Variants in PLPPR1 observed in about 807,000 individuals in gnomAD.
PLPPR1 encodes the protein phospholipid phosphatase-related protein type 1.
Under a neutral mutation model 33.1 loss-of-function variants are expected in PLPPR1, and 10 were observed. The observed-to-expected ratio is 0.30, with a 90% CI of 0.19 to 0.51. The LOEUF (loss-of-function observed/expected upper bound fraction) is 0.51, where lower values mean the gene tolerates loss of function less well. Ranked by LOEUF, PLPPR1 falls within the 20% of genes least tolerant of loss-of-function variation. The probability of loss-of-function intolerance (pLI) is 0.97; values close to 1 mark genes in which losing one functional copy is unlikely to be tolerated. For missense variants in PLPPR1, 304 were observed against 408.1 expected, an observed-to-expected ratio of 0.74 and a Z score of 2.20; for synonymous variants, 151 against 151.0, an observed-to-expected ratio of 1.00 and a Z score of 0.00.
chr9:101,049,705 T>C (rs548735640), intron 1 of PLPPR1, among the ~76,000 whole-genome samples: 2 of 152,290 alleles, frequency 1.3e-5, no homozygotes, highest in Non-Finnish European at 2.9e-5. Flanking sequence ...GTATACTCTT[T>C]TTCAACATAT....
chr9:101,149,491 C>T lies in PLPPR1; in HGVS notation c.-45-35959C>T, dbSNP rs189238405. On this transcript the variant is annotated intron_variant, in intron 1 of 7. Transcript: ENST00000374874. ...TCCATCTGGGACCTGTGGGCTTTAC[C>T]TTCCCTAAAGTAAGTTCCATACCTG... is the stretch of plus-strand genomic sequence containing the variant. Among the ~76,000 whole-genome samples the T allele has an allele frequency of 2.6e-5, 4 of 152,302 alleles. No homozygotes were observed. The East Asian group carries it at 5.8e-4, about 22-fold the overall frequency.
rs138252588 is a variant in PLPPR1 at position 101,252,429 on chromosome 9, G to A, written c.64-17451G>A. 1.3e-3 allele frequency among the ~76,000 whole-genome samples: 200 copies of A among 152,254 alleles called. 1 individual carries two copies. Among genetic ancestry groups the A allele is most frequent in the African/African-American group, 4.7e-3 (195 of 41,572 alleles). ...ACTTGTGATCTGACAGCCACAAGGA[G>A]TTTGACCGAAGTCCCAATCTGTTCA... On this transcript the variant is annotated intron_variant, in intron 2 of 7. Transcript: ENST00000374874.
intron 1 of PLPPR1, among the ~76,000 whole-genome samples, chr9:101,041,100 C>T (rs1183617174): frequency 6.6e-6 from 1 of 152,154 alleles, no homozygotes; most frequent in Non-Finnish European, 1.5e-5. Context: ...TCCCATAGGA[C>T]AGCTCTTAAT....
intron 1 of PLPPR1, among the ~76,000 whole-genome samples, chr9:101,155,602 CTCTT>C (rs890905433): frequency 1.1e-5 from 1 of 95,232 alleles, no homozygotes; most frequent in Non-Finnish European, 2.6e-5. Context: ...CTCTCTCTCT[CTCTT>C]TTTTTTTTTT....
intron 1 of PLPPR1, among the ~76,000 whole-genome samples, chr9:101,126,745 G>A (rs1198316746): frequency 6.6e-6 from 1 of 152,008 alleles, no homozygotes. Flanking sequence ...CTTTTTTTCA[G>A]TTTCTCTTTC....
intron 4 of PLPPR1, among the ~76,000 whole-genome samples, chr9:101,290,472 C>T (rs1007473759): frequency 6.6e-6 from 1 of 152,156 alleles, no homozygotes; most frequent in African/African-American, 2.4e-5. Flanking sequence ...GATGAAAAAA[C>T]GTGAGATTCT....
chr9:101,180,946 C>T (rs185033763), intron 1 of PLPPR1, among the ~76,000 whole-genome samples: 402 of 151,512 alleles, frequency 2.7e-3, no homozygotes, highest in African/African-American at 9.1e-3. Flanking sequence ...TAAGAGACAA[C>T]CTACAGATCA....
intron 2 of PLPPR1, among the ~76,000 whole-genome samples, chr9:101,253,215 A>G (rs1287963226): frequency 2.0e-5 from 3 of 151,994 alleles, no homozygotes; most frequent in Admixed American, 6.6e-5. Flanking sequence ...AGTCAACAGC[A>G]ATCAGGTGTC....
chr9:101,231,368 T>C (rs1024638131), intron 2 of PLPPR1, among the ~76,000 whole-genome samples: 1 of 151,778 alleles, frequency 6.6e-6, no homozygotes, highest in African/African-American at 2.4e-5. Context: ...GTTTGTTTTT[T>C]TTTTTTTTAG....
At chr9:101,222,479 C>T (rs529474601) in intron 2 of PLPPR1, among the ~76,000 whole-genome samples, 2 of 152,034 alleles carry the variant, frequency 1.3e-5, no homozygotes, top group African/African-American at 4.8e-5. Flanking sequence ...CAGGAGGCAA[C>T]CTGTGTGTTT....
intron 4 of PLPPR1, among the ~76,000 whole-genome samples, chr9:101,304,106 A>AT (rs1234246464): frequency 1.3e-5 from 2 of 152,222 alleles, no homozygotes; most frequent in Non-Finnish European, 2.9e-5. Flanking sequence ...TTTCCAATTC[A>AT]TGAGACACTT....
intron 1 of PLPPR1, among the ~76,000 whole-genome samples, chr9:101,157,259 GTGAT>G (rs1381598443): frequency 1.3e-5 from 2 of 152,192 alleles, no homozygotes; most frequent in African/African-American, 2.4e-5. Flanking sequence ...CACTTGCCAA[GTGAT>G]TGATTGGTCA....
chr9:101,297,591 C>G (rs550430938), intron 4 of PLPPR1, among the ~76,000 whole-genome samples: 188 of 152,230 alleles, frequency 1.2e-3, no homozygotes, highest in African/African-American at 4.3e-3. Flanking sequence ...GCCTGTCCTC[C>G]CAGGCTTTAA....
In PLPPR1 at chr9:101,121,806, A is replaced by G. The variant is rs572117620; in HGVS notation, c.-45-63644A>G. On this transcript the variant is annotated intron_variant, in intron 1 of 7. Coordinates refer to ENST00000374874, the MANE Select transcript of PLPPR1 (RefSeq NM_207299.2). Reference sequence around the variant, plus strand: ...TCAAGTAAGACTAGTGAATTCTTCCAGAAGGTAGCAGCTTTTTCCCTTGCT... The same window carrying G: ...TCAAGTAAGACTAGTGAATTCTTCCGGAAGGTAGCAGCTTTTTCCCTTGCT... 1.2e-4 allele frequency among the ~76,000 whole-genome samples: 18 copies of G among 152,314 alleles called. No homozygotes were observed. The South Asian group carries it at 3.5e-3, about 30-fold the overall frequency.
At position 101,038,438 on chromosome 9, in the gene PLPPR1, G is replaced by A. The variant is rs1830036984; in HGVS notation, c.-46+9336G>A. Among the ~76,000 whole-genome samples, 6 of 152,218 alleles carry A rather than the reference G, an allele frequency of 3.9e-5. No homozygotes were observed. The South Asian group carries it at 1.2e-3, about 32-fold the overall frequency. On this transcript the variant is annotated intron_variant, in intron 1 of 7. Coordinates refer to ENST00000374874, the MANE Select transcript of PLPPR1 (RefSeq NM_207299.2). ...TTCTAGCAAGAGAAAAAAATAACGA[G>A]AGGACTTAATAAATGGCAAAAGCTG...
intron 1 of PLPPR1, among the ~76,000 whole-genome samples, chr9:101,136,243 T>A (rs1056260524): frequency 6.6e-6 from 1 of 152,248 alleles, no homozygotes; most frequent in Non-Finnish European, 1.5e-5. Context: ...GAATCTGATA[T>A]ACTACTTGTA....
rs116376352 is a variant in PLPPR1 at position 101,121,731 on chromosome 9, G to A, written c.-45-63719G>A. The stretch of plus-strand genomic sequence containing the variant: ...ATAAGTGATCATCTTAGATTTACAA[G>A]AGTTGCAAAAATTTTATAACCAGCT... On this transcript the variant is annotated intron_variant, in intron 1 of 7. Coordinates refer to ENST00000374874, the MANE Select transcript of PLPPR1 (RefSeq NM_207299.2). 3.2e-3 allele frequency among the ~76,000 whole-genome samples: 483 copies of A among 152,262 alleles called. 4 individuals carry two copies. The highest frequency in any genetic ancestry group is 0.011 in the African/African-American group (454 of 41,558).
intron 1 of PLPPR1, among the ~76,000 whole-genome samples, chr9:101,121,689 C>A (rs1343556352): frequency 2.6e-5 from 4 of 152,044 alleles, no homozygotes; most frequent in Non-Finnish European, 4.4e-5. Context: ...GGATATGGTG[C>A]TCAAAGAAGG....
intron 1 of PLPPR1, among the ~76,000 whole-genome samples, chr9:101,129,543 G>A (rs1831290418): frequency 6.6e-6 from 1 of 152,032 alleles, no homozygotes. Context: ...TAAAAAAAAA[G>A]GGAAAAAGCT....
Sources: allele counts gnomAD v4.1 joint callset (sites outside exome capture counted in the v4.1 genomes callset), GRCh38; gene constraint gnomAD v4.1.1; transcripts MANE v1.5; gene names NCBI Gene and HGNC (gene_info 2026-07-23, HGNC 2026-07-21).